The following VPS13B variants were observed in gnomAD, a reference collection of about 807,000 sequenced individuals.
VPS13B encodes the protein vacuolar protein sorting 13 homolog B.
VPS13B carries 285 observed loss-of-function variants against 426.4 expected under a neutral mutation model. The ratio of observed to expected loss-of-function variants is 0.67; its 90% CI spans 0.61 to 0.74. The LOEUF is 0.74. Ranked by LOEUF, VPS13B falls within the 30% of genes least tolerant of loss-of-function variation. The probability of loss-of-function intolerance (pLI) is 0.00; values close to 1 mark genes in which losing one functional copy is unlikely to be tolerated. For synonymous variants in VPS13B, 1,676 were observed against 1,676.4 expected (o/e 1.00, Z 0.01); for missense variants, 4,537 against 4,782.6 (o/e 0.95, Z 1.51).
At chr8:99,585,446 C>G (rs1826255912) in intron 33 of VPS13B, among the ~76,000 whole-genome samples, 1 of 152,264 alleles carries the variant, frequency 6.6e-6, no homozygotes, top group Admixed American at 6.5e-5. Context: ...CAACAAAATG[C>G]TAGCAAACTG....
intron 35 of VPS13B, chr8:99,697,203 C>A: frequency 1.8e-6 from 1 of 558,196 alleles, no homozygotes. Context: ...GGAGGGTGGG[C>A]AAGTGCACAA....
chr8:99,574,207 G>T (rs542993788), intron 31 of VPS13B, among the ~76,000 whole-genome samples: 2 of 152,244 alleles, frequency 1.3e-5, no homozygotes, highest in South Asian at 4.1e-4. Flanking sequence ...TGGGCTGAGA[G>T]GATGGGGTTT....
At chr8:99,490,438 C>T (rs974951647) in intron 25 of VPS13B, among the ~76,000 whole-genome samples, 1 of 152,180 alleles carries the variant, frequency 6.6e-6, no homozygotes. Context: ...GGAGGATTCC[C>T]TCTTCTTCTA....
At chr8:99,125,136 A>G (rs1279653398) in intron 8 of VPS13B, among the ~76,000 whole-genome samples, 3 of 152,188 alleles carry the variant, frequency 2.0e-5, no homozygotes, top group African/African-American at 7.2e-5. Flanking sequence ...TTGAGGAGCA[A>G]GTAAGCCAGT....
At chr8:99,476,316 C>T (rs1053788224) in intron 24 of VPS13B, among the ~76,000 whole-genome samples, 1 of 152,074 alleles carries the variant, frequency 6.6e-6, no homozygotes, top group Non-Finnish European at 1.5e-5. Flanking sequence ...AAACATGAGA[C>T]TCTAAATAAA....
intron 16 of VPS13B, among the ~76,000 whole-genome samples, chr8:99,176,962 A>G (rs1812665994): frequency 6.6e-6 from 1 of 152,222 alleles, no homozygotes; most frequent in African/African-American, 2.4e-5. Context: ...CAAGAAACTC[A>G]TATTAGTCAG....
chr8:99,525,827 T>C (rs1209325466), intron 30 of VPS13B, among the ~76,000 whole-genome samples: 1 of 152,194 alleles, frequency 6.6e-6, no homozygotes, highest in South Asian at 2.1e-4. Context: ...ATGGACAGCA[T>C]GGCTTAGTTA....
At chr8:99,126,417 T>C (rs1848187451) in intron 8 of VPS13B, among the ~76,000 whole-genome samples, 1 of 152,140 alleles carries the variant, frequency 6.6e-6, no homozygotes, top group Non-Finnish European at 1.5e-5. Context: ...ATACCAGTCA[T>C]TGTGGTTGTA....
intron 19 of VPS13B, among the ~76,000 whole-genome samples, chr8:99,324,879 T>C (rs1354334676): frequency 6.6e-6 from 1 of 152,134 alleles, no homozygotes; most frequent in Admixed American, 6.6e-5. Context: ...TTTTAAAAAT[T>C]GTTGTATTTT....
At chr8:99,686,566 A>C (rs1282974280) in intron 35 of VPS13B, among the ~76,000 whole-genome samples, 1 of 151,884 alleles carries the variant, frequency 6.6e-6, no homozygotes, top group East Asian at 1.9e-4. Context: ...CAAGCCACAC[A>C]CAAGAAAAAG....
chr8:99,490,525 T>C (rs1820549133), intron 25 of VPS13B, among the ~76,000 whole-genome samples: 1 of 152,230 alleles, frequency 6.6e-6, no homozygotes. Context: ...TGTATCCATC[T>C]GGTCCTGGAC....
At chr8:99,038,640 A>G in intron 3 of VPS13B, 74 bp downstream of exon 3, 1 of 1,317,978 alleles carries the variant, frequency 7.6e-7, no homozygotes, top group African/African-American at 1.5e-5. Flanking sequence ...ACCTTTTCAA[A>G]TATGCCAACT....
intron 21 of VPS13B, 50 bp downstream of exon 21, chr8:99,391,754 C>G (rs1750551846): frequency 2.5e-6 from 4 of 1,596,908 alleles, no homozygotes; most frequent in Non-Finnish European, 3.4e-6. Context: ...TACTTCTAAG[C>G]TAGCAAGTTA....
intron 25 of VPS13B, among the ~76,000 whole-genome samples, chr8:99,488,236 T>C (rs1820409771): frequency 6.6e-6 from 1 of 152,138 alleles, no homozygotes; most frequent in Non-Finnish European, 1.5e-5. Context: ...GCACTTAATA[T>C]TATCCCTTAC....
chr8:99,073,387 C>T (rs2132340183), intron 3 of VPS13B, among the ~76,000 whole-genome samples: 1 of 152,026 alleles, frequency 6.6e-6, no homozygotes, highest in South Asian at 2.1e-4. Flanking sequence ...TCATTTGTAT[C>T]CTTTTCTGTT....
chr8:99,307,675 C>A (rs981441572), intron 19 of VPS13B, among the ~76,000 whole-genome samples: 28 of 152,144 alleles, frequency 1.8e-4, no homozygotes, highest in African/African-American at 6.7e-4. Context: ...TTATTACAAG[C>A]AACCGACCAT....
chr8:99,370,270 T>C (rs1260093084), intron 19 of VPS13B, among the ~76,000 whole-genome samples: 1 of 152,014 alleles, frequency 6.6e-6, no homozygotes, highest in Non-Finnish European at 1.5e-5. Flanking sequence ...ACAAACAAGG[T>C]AATGTGATAT....
intron 40 of VPS13B, among the ~76,000 whole-genome samples, chr8:99,774,165 T>C (rs978044281): frequency 1.3e-5 from 2 of 152,238 alleles, no homozygotes; most frequent in East Asian, 1.9e-4. Context: ...AAATTACATA[T>C]ACTATATTTT....
intron 34 of VPS13B, among the ~76,000 whole-genome samples, chr8:99,642,893 T>C (rs1002555156): frequency 6.6e-6 from 1 of 152,186 alleles, no homozygotes; most frequent in African/African-American, 2.4e-5. Flanking sequence ...TGAAGTTTGT[T>C]TTTGGTATTC....
Sources: gnomAD v4.1 joint callset for allele counts (sites outside exome capture counted in the v4.1 genomes callset) on GRCh38, gnomAD v4.1.1 for gene constraint, MANE v1.5 for transcripts, NCBI Gene and HGNC (gene_info 2026-07-23, HGNC 2026-07-21) for gene names.